Variants in TRPV3 observed in about 807,000 individuals in gnomAD.
The protein encoded by TRPV3 is transient receptor potential cation channel subfamily V member 3, also known as VRL-3.
TRPV3 carries 88 observed loss-of-function variants against 87.1 expected under a neutral mutation model. The ratio of observed to expected loss-of-function variants is 1.01; its 90% confidence interval spans 0.85 to 1.21. TRPV3 has a LOEUF of 1.21. Ranked by LOEUF, TRPV3 falls within the 50% of genes most tolerant of loss-of-function variation. The pLI is 0.00. For missense variants in TRPV3, 1,054 were observed against 1,030.1 expected (o/e 1.02, Z -0.32); for synonymous variants, 438 against 423.3 (o/e 1.03, Z -0.43).
intron 7 of TRPV3, among the ~76,000 whole-genome samples, chr17:3,534,502 A>G (rs1267164990): frequency 6.6e-6 from 1 of 152,238 alleles, no homozygotes; most frequent in African/African-American, 2.4e-5. Flanking sequence ...AAAGTTACAC[A>G]GAGAAATTTT....
chr17:3,546,208 T>C (rs1049484617), intron 2 of TRPV3, among the ~76,000 whole-genome samples: 3 of 151,208 alleles, frequency 2.0e-5, no homozygotes, highest in Non-Finnish European at 4.4e-5. Flanking sequence ...TTGGAAGGCC[T>C]AGGCGGGCGG....
intron 12 of TRPV3, among the ~76,000 whole-genome samples, chr17:3,525,074 C>A (rs753344768): frequency 1.3e-5 from 2 of 152,182 alleles, no homozygotes; most frequent in Admixed American, 6.5e-5. Context: ...GGCTGGAGTA[C>A]AGTGGCATGA....
chr17:3,527,719 G>C (rs1030126539), intron 11 of TRPV3: 1 of 417,670 alleles, frequency 2.4e-6, no homozygotes, highest in African/African-American at 2.1e-5. Context: ...GAGTGGCTGG[G>C]TCCATGAAAG....
intron 11 of TRPV3, among the ~76,000 whole-genome samples, 190 bp from the exon 12 acceptor site, chr17:3,527,117 A>T (rs1258310883): frequency 6.6e-6 from 1 of 152,034 alleles, no homozygotes; most frequent in Non-Finnish European, 1.5e-5. Context: ...GGTGAAGGTG[A>T]ACGCTCCCTC....
chr17:3,519,062 G>A (rs555702608), intron 14 of TRPV3, among the ~76,000 whole-genome samples: 1 of 152,294 alleles, frequency 6.6e-6, no homozygotes, highest in East Asian at 1.9e-4. Flanking sequence ...AAAGCCCAGA[G>A]TCTTCTCTCC....
rs990242153 is a variant in TRPV3, at chr17:3,535,796, C to T, written c.644-83G>A. 9 of 1,360,598 alleles carry T rather than the reference C, an allele frequency of 6.6e-6. No homozygotes were observed. In the African/African-American group the frequency reaches 1.4e-4, roughly 21 times the overall value. The allele number at this position is 1,360,598 out of a possible 1,614,324, so 84.3% of individuals were successfully genotyped here. ...CCACCCGCTCTGGCCTCCATACCCTCCCCGAACCCACGGGGAGATCAGAAC... is the reference window on the plus strand; with the variant it reads ...CCACCCGCTCTGGCCTCCATACCCTTCCCGAACCCACGGGGAGATCAGAAC... On this transcript the variant is annotated intron_variant, in intron 6 of 17. Coordinates refer to ENST00000576742, the MANE Select transcript of TRPV3 (RefSeq NM_145068.4).
chr17:3,549,897 T>G (rs1024745077), intron 2 of TRPV3, among the ~76,000 whole-genome samples: 4 of 148,352 alleles, frequency 2.7e-5, no homozygotes, highest in Non-Finnish European at 4.5e-5. Flanking sequence ...GGATGGAGGA[T>G]GGGATGGGTA....
At chr17:3,532,507 C>A (rs758961155) in intron 8 of TRPV3, 150 bp downstream of exon 8, 3 of 1,039,734 alleles carry the variant, frequency 2.9e-6, no homozygotes, top group Non-Finnish European at 4.1e-6. Context: ...CCGGCCGCCA[C>A]GCCACTGCAG....
chr17:3,530,236 A>G lies in TRPV3; in HGVS notation c.1066-33T>C. On this transcript the variant is annotated intron_variant, in intron 8 of 17. Transcript: ENST00000576742. The surrounding 1 kb of genome is among the most constrained non-coding windows in gnomAD (Gnocchi z 4.0). The stretch of plus-strand genomic sequence containing the variant: ...AGGAGGAGGAACAACCATCAGCTGC[A>G]GAACAGGGGCTTAAGGCCAACAGGG... The G allele has an allele frequency of 1.3e-6, 2 of 1,592,968 alleles. No individual in the cohort carries two copies. The highest frequency in any genetic ancestry group is 1.3e-5 in the African/African-American group (1 of 74,862).
At position 3,518,119 on chromosome 17, in the gene TRPV3, G is replaced by A. The variant is rs778746175; in HGVS notation, c.2085+457C>T. Reference sequence around the variant, plus strand: ...CAGGGGTGAGCCACCATGCCCGGCCGCCAACCACCATTTCTTAAGAGGCAG... The same window carrying A: ...CAGGGGTGAGCCACCATGCCCGGCCACCAACCACCATTTCTTAAGAGGCAG... On this transcript the variant is annotated intron_variant, in intron 15 of 17. Transcript: ENST00000576742. The surrounding 1 kb of genome is among the most constrained non-coding windows in gnomAD (Gnocchi z 4.3). Among the ~76,000 whole-genome samples the A allele has an allele frequency of 2.6e-4, 39 of 152,016 alleles. No individual in the cohort carries two copies. The highest frequency in any genetic ancestry group is 6.2e-4 in the South Asian group (3 of 4,816).
chr17:3,513,893 G>A lies in TRPV3; in HGVS notation c.*24C>T, dbSNP rs778679472. On this transcript the variant is annotated 3_prime_UTR_variant, in exon 18 of 18. Transcript: ENST00000576742. ...GCCTGCAGCGCCAGACAGCGCACGC[G>A]CACACCAGCTCTGGGTTCCGCTTCT... is the stretch of plus-strand genomic sequence containing the variant. 1.9e-6 allele frequency: 3 copies of A among 1,597,074 alleles called. No individual in the cohort carries two copies. The highest frequency in any genetic ancestry group is 1.1e-5 in the South Asian group (1 of 90,698).
chr17:3,537,632 G>C (rs141539677), intron 6 of TRPV3, among the ~76,000 whole-genome samples: 1 of 152,096 alleles, frequency 6.6e-6, no homozygotes, highest in South Asian at 2.1e-4. Context: ...GGCCGGGCGC[G>C]GTAGCTCACA....
Position 3,511,086 on chromosome 17 carries a change from G to A in TRPV3, c.*2831C>T, listed in dbSNP as rs1182959087. 1.3e-5 allele frequency: 2 copies of A among 152,266 alleles called. No homozygotes were observed. The highest frequency in any genetic ancestry group is 2.1e-4 in the South Asian group (1 of 4,834). The allele number at this position is 152,266 out of a possible 1,614,324, so 9.4% of individuals were successfully genotyped here. A position where few individuals can be genotyped will look rare whatever the true frequency, so the allele number is the denominator to read the frequency against. On this transcript the variant is annotated 3_prime_UTR_variant, in exon 18 of 18. Transcript: ENST00000576742. ...CCATCCCTGGAAAACACCTTCCCCT[G>A]AAATTACTGAAATGTCAATCACGGA...
At position 3,524,190 on chromosome 17, in the gene TRPV3, C is replaced by T; in HGVS notation, c.1743+8G>A. On this transcript the variant is annotated splice_region_variant and intron_variant, in intron 13 of 17. Transcript: ENST00000576742. Reference sequence around the variant, plus strand: ...AGGGCCCTCCCGCCGGCGCAGCTCTCAACGCACCTTCTGGATCATGACGCT... The same window carrying T: ...AGGGCCCTCCCGCCGGCGCAGCTCTTAACGCACCTTCTGGATCATGACGCT... The T allele has an allele frequency of 6.2e-7, 1 of 1,613,716 alleles. No homozygotes were observed. The highest frequency in any genetic ancestry group is 1.1e-5 in the South Asian group (1 of 90,970).
chr17:3,536,337 C>T (rs562315232), intron 6 of TRPV3, among the ~76,000 whole-genome samples: 2 of 152,170 alleles, frequency 1.3e-5, no homozygotes, highest in East Asian at 1.9e-4. Context: ...GCCTGTAATC[C>T]CAGCACACTG....
rs1329989384 is a variant in TRPV3 at position 3,528,058 on chromosome 17, C to G, written c.1470G>C (p.Val490=). Reference sequence around the variant, plus strand: ...CAGAGATGCACATGGCCCAGATGAGCACAAACATCCTCCCTAGGAGCTGCA... The same window carrying G: ...CAGAGATGCACATGGCCCAGATGAGGACAAACATCCTCCCTAGGAGCTGCA... The part of the protein sequence containing the change: ...GWLQLLGRMF[V]LIWAMCISVK... The change falls in exon 11 of 18, where the codon GTG becomes GTC. Residue 490 remains valine, a synonymous_variant. Coordinates refer to ENST00000576742, the MANE Select transcript of TRPV3 (RefSeq NM_145068.4). This position sits in a 1 kb window ranked among gnomAD's most constrained non-coding sequence, Gnocchi z 4.2. The G allele has an allele frequency of 6.2e-7, 1 of 1,613,630 alleles. No homozygotes were observed. The highest frequency in any genetic ancestry group is 1.3e-5 in the African/African-American group (1 of 74,926).
In TRPV3 at chr17:3,528,858, G is replaced by A. The variant is rs1285950452; in HGVS notation, c.1380C>T (p.Tyr460=). 1.9e-6 allele frequency: 3 copies of A among 1,614,116 alleles called. No individual in the cohort carries two copies. The South Asian group carries it at 3.3e-5, about 18-fold the overall frequency. The part of the protein sequence containing the change: ...FYNITLTLVS[Y]YRPREEEAIP... The stretch of plus-strand genomic sequence containing the variant: ...GTACCTCCTCCTCCCGGGGGCGGTA[G>A]TACGAGACGAGGGTCAGGGTGATGT... Residue 460 remains tyrosine, a synonymous_variant, in exon 10 of 18, where the codon TAC becomes TAT. Coordinates refer to ENST00000576742, the MANE Select transcript of TRPV3 (RefSeq NM_145068.4). The surrounding 1 kb of genome is among the most constrained non-coding windows in gnomAD (Gnocchi z 4.2).
At chr17:3,521,818 G>A (rs1386625660) in intron 13 of TRPV3, among the ~76,000 whole-genome samples, 1 of 152,182 alleles carries the variant, frequency 6.6e-6, no homozygotes, top group Non-Finnish European at 1.5e-5. Context: ...ACTCACGCCT[G>A]TAATCCCAAC....
chr17:3,542,828 C>T, intron 5 of TRPV3, 130 bp from the exon 6 acceptor site: 5 of 921,742 alleles, frequency 5.4e-6, no homozygotes, highest in Middle Eastern at 3.2e-4. Flanking sequence ...CCAGACCTTA[C>T]ACTTGGCCGC....
Sources: gnomAD v4.1 joint callset for allele counts (sites outside exome capture counted in the v4.1 genomes callset) on GRCh38, gnomAD v4.1.1 for gene constraint, Gnocchi (gnomAD v3.1) non-coding constraint, MANE v1.5 for transcripts, NCBI Gene and HGNC (gene_info 2026-07-23, HGNC 2026-07-21) for gene names.